Variants in CCDC38 observed in about 807,000 individuals in gnomAD.
The protein encoded by CCDC38 is coiled-coil domain-containing protein 38.
A neutral mutation model predicts 72.8 loss-of-function variants in CCDC38; 69 were observed. The ratio of observed to expected loss-of-function variants is 0.95; its 90% CI spans 0.78 to 1.16. The LOEUF is 1.16. Ranked by LOEUF, CCDC38 falls within the 50% of genes most tolerant of loss-of-function variation. CCDC38 has a pLI of 0.00. For synonymous variants in CCDC38, 201 were observed against 213.2 expected (o/e 0.94, Z 0.50); for missense variants, 626 against 638.9 (o/e 0.98, Z 0.22).
chr12:95,884,271 C>G (rs1208261837), intron 10 of CCDC38, among the ~76,000 whole-genome samples: 1 of 152,126 alleles, frequency 6.6e-6, no homozygotes, highest in African/African-American at 2.4e-5. Context: ...TTGTATTTCT[C>G]TATATTAGCA....
intron 5 of CCDC38, among the ~76,000 whole-genome samples, chr12:95,901,783 C>A: frequency 6.6e-6 from 1 of 152,068 alleles, no homozygotes; most frequent in East Asian, 1.9e-4. Context: ...GTAACTTTGA[C>A]AAAAGTCGTT....
chr12:95,896,435 G>C (rs527711860), intron 7 of CCDC38: 2 of 152,180 alleles, frequency 1.3e-5, no homozygotes, highest in African/African-American at 4.8e-5. Context: ...TTATCTGAAA[G>C]ATATCAATAT....
intron 10 of CCDC38, among the ~76,000 whole-genome samples, chr12:95,883,322 G>A (rs1246884192): frequency 6.6e-6 from 1 of 152,140 alleles, no homozygotes; most frequent in Non-Finnish European, 1.5e-5. Context: ...GTCTCCCCAG[G>A]GCCCTTGGGA....
At chr12:95,911,411 C>CA (rs920144548) in intron 4 of CCDC38, among the ~76,000 whole-genome samples, 4 of 152,124 alleles carry the variant, frequency 2.6e-5, no homozygotes, top group African/African-American at 9.6e-5. Flanking sequence ...TTCTGCGCAG[C>CA]AAAAAACACT....
At position 95,917,190 on chromosome 12, in the gene CCDC38, C is replaced by G; in HGVS notation, c.243G>C (p.Arg81Ser). 1 of 1,608,500 alleles carries G rather than the reference C, an allele frequency of 6.2e-7. No homozygotes were observed. The highest frequency in any genetic ancestry group is 8.5e-7 in the Non-Finnish European group (1 of 1,178,946). ...CAAACTTTTCAAATGACCTACCACT[C>G]CTTTTAGGGTAGAAAGCTAGTTGGC... is the stretch of plus-strand genomic sequence containing the variant. The part of the protein sequence containing the change: ...YLSQLAFYPK[R>S]SGRSFEKFGP... Residue 81 changes from arginine (R) to serine (S), a missense_variant, in exon 4 of 16, where the codon AGG (arginine) becomes AGC (serine). Transcript: ENST00000344280.
chr12:95,911,452 T>C (rs2080093388), intron 4 of CCDC38, among the ~76,000 whole-genome samples: 1 of 152,074 alleles, frequency 6.6e-6, no homozygotes, highest in East Asian at 1.9e-4. Context: ...ACCTATAGCA[T>C]AGGAGAAAAT....
intron 4 of CCDC38, among the ~76,000 whole-genome samples, chr12:95,907,352 CG>C (rs1463415629): frequency 7.2e-6 from 1 of 139,290 alleles, no homozygotes; most frequent in Non-Finnish European, 1.6e-5. Context: ...ACCTCCCAGA[CG>C]GGGTGGTGGC....
chr12:95,922,159 G>T (rs2080216609), intron 2 of CCDC38, among the ~76,000 whole-genome samples: 1 of 152,204 alleles, frequency 6.6e-6, no homozygotes, highest in Non-Finnish European at 1.5e-5. Flanking sequence ...TGTAAGTCAT[G>T]AGTTAGAGAG....
intron 3 of CCDC38, among the ~76,000 whole-genome samples, chr12:95,918,366 C>A (rs113751165): frequency 1.2e-4 from 18 of 152,318 alleles, no homozygotes; most frequent in Middle Eastern, 3.4e-3. Flanking sequence ...GAAGACCCAC[C>A]TCCTTTTATC....
chr12:95,908,482 A>C (rs1399808595), intron 4 of CCDC38, among the ~76,000 whole-genome samples: 1 of 6 alleles, frequency 0.17, no homozygotes, highest in African/African-American at 0.25. Flanking sequence ...GGAGAGGGAG[A>C]GGGAGAGGGA....
At chr12:95,883,170 T>C (rs1265816585) in intron 10 of CCDC38, among the ~76,000 whole-genome samples, 1 of 152,262 alleles carries the variant, frequency 6.6e-6, no homozygotes, top group African/African-American at 2.4e-5. Context: ...CTCACCTGAA[T>C]TGTGACAATA....
At chr12:95,908,288 C>T (rs1247961073) in intron 4 of CCDC38, among the ~76,000 whole-genome samples, 4 of 151,140 alleles carry the variant, frequency 2.6e-5, no homozygotes, top group African/African-American at 9.7e-5. Flanking sequence ...AGCGAAACCC[C>T]GTCTCCACCC....
At chr12:95,901,183 T>C (rs1488461631) in intron 5 of CCDC38, among the ~76,000 whole-genome samples, 2 of 152,192 alleles carry the variant, frequency 1.3e-5, no homozygotes, top group Non-Finnish European at 2.9e-5. Flanking sequence ...TGAAAAAGAA[T>C]ATTTTTGAAG....
At chr12:95,921,323 G>C (rs189793109) in intron 2 of CCDC38, among the ~76,000 whole-genome samples, 1 of 152,254 alleles carries the variant, frequency 6.6e-6, no homozygotes, top group African/African-American at 2.4e-5. Flanking sequence ...AAGGTCAAGT[G>C]TAATTGTCTA....
chr12:95,867,268 T>C, intron 15 of CCDC38, 79 bp from the exon 16 acceptor site: 2 of 747,248 alleles, frequency 2.7e-6, no homozygotes, highest in Non-Finnish European at 4.7e-6. Context: ...AATACCAATA[T>C]TAACTTGATT....
At position 95,867,207 on chromosome 12, in the gene CCDC38, C is replaced by T. The variant is rs753052960; in HGVS notation, c.1579-18G>A. On this transcript the variant is annotated intron_variant, in intron 15 of 15. Transcript: ENST00000344280. ...CTTCCCAACTGAAACAAAAGAAAAACAAAATACTTAATATTTTTTGAGCAT... is the reference window on the plus strand; with the variant it reads ...CTTCCCAACTGAAACAAAAGAAAAATAAAATACTTAATATTTTTTGAGCAT... 2 of 1,325,680 alleles carry T rather than the reference C, an allele frequency of 1.5e-6. No homozygotes were observed. Among genetic ancestry groups the T allele is most frequent in the African/African-American group, 2.9e-5 (2 of 68,484 alleles). 82.1% of individuals were successfully genotyped at this position (1,325,680 alleles called of 1,614,324 possible).
intron 11 of CCDC38, among the ~76,000 whole-genome samples, chr12:95,881,017 G>C (rs2079694335): frequency 6.6e-6 from 1 of 152,052 alleles, no homozygotes; most frequent in African/African-American, 2.4e-5. Context: ...ACTTGGATAA[G>C]GTGTGTAATA....
rs372799724 is a variant in CCDC38 at position 95,928,157 on chromosome 12, G to C, written c.37+8316C>G. On this transcript the variant is annotated intron_variant, in intron 2 of 15. Coordinates refer to ENST00000344280, the MANE Select transcript of CCDC38 (RefSeq NM_182496.3). ...GTTTTCCAACTTGGTTCCATTCTCC[G>C]CATCACTTTCAGGTACACCAATCAG... 1.1e-4 allele frequency among the ~76,000 whole-genome samples: 17 copies of C among 151,724 alleles called. 1 individual carries two copies. In the Middle Eastern group the frequency reaches 0.01, roughly 92 times the overall value.
At chr12:95,906,836 G>T (rs12824886) in intron 4 of CCDC38, among the ~76,000 whole-genome samples, 42,399 of 126,712 alleles carry the variant, frequency 0.33, 6,754 homozygotes, top group African/African-American at 0.47. Flanking sequence ...TTATTTGTTT[G>T]TTTTTTATTG....
Sources: gnomAD v4.1 joint callset for allele counts (sites outside exome capture counted in the v4.1 genomes callset) on GRCh38, gnomAD v4.1.1 for gene constraint, MANE v1.5 for transcripts, NCBI Gene and HGNC (gene_info 2026-07-23, HGNC 2026-07-21) for gene names.